Variants in KIF23 observed in about 807,000 individuals in gnomAD.
The protein encoded by KIF23 is kinesin family member 23, also known as kinesin-like protein KIF23.
Under a neutral mutation model 137.5 loss-of-function variants are expected in KIF23, and 30 were observed. The observed-to-expected ratio is 0.22, with a 90% CI of 0.16 to 0.30. The LOEUF is 0.30. Among genes scored for constraint, KIF23 ranks in the 10% least tolerant of loss-of-function variants. The pLI, the probability that KIF23 is intolerant of heterozygous loss-of-function variation, is 1.00. For missense variants in KIF23, 920 were observed against 1,194.3 expected, an observed-to-expected ratio of 0.77 and a Z score of 3.38; for synonymous variants, 367 against 391.1, an observed-to-expected ratio of 0.94 and a Z score of 0.73.
chr15:69,415,621 C>A (rs1173914413), intron 1 of KIF23, among the ~76,000 whole-genome samples: 1 of 152,096 alleles, frequency 6.6e-6, no homozygotes, highest in Admixed American at 6.6e-5. Flanking sequence ...CCTCCATGTG[C>A]ATTTTTATAG....
At position 69,435,571 on chromosome 15, in the gene KIF23, C is replaced by T. The variant is rs1041204272; in HGVS notation, c.1194+9C>T. ...TGTATGGAACTAACAAGGTAAGCAG[C>T]AGCCTTCTCTGTTCTTTTGTATAGT... On this transcript the variant is annotated intron_variant, in intron 12 of 23. Coordinates refer to ENST00000679126, the MANE Select transcript of KIF23 (RefSeq NM_001367805.3). The T allele has an allele frequency of 6.2e-7, 1 of 1,613,682 alleles. No homozygotes were observed. The highest frequency in any genetic ancestry group is 8.5e-7 in the Non-Finnish European group (1 of 1,179,866).
chr15:69,436,987 T>G (rs2057499454), intron 15 of KIF23, among the ~76,000 whole-genome samples: 1 of 152,122 alleles, frequency 6.6e-6, no homozygotes, highest in Non-Finnish European at 1.5e-5. Flanking sequence ...ACTCCTGACC[T>G]CAAGTGATCC....
At chr15:69,427,473 G>A in intron 10 of KIF23, 1 of 453,904 alleles carries the variant, frequency 2.2e-6, no homozygotes, top group Non-Finnish European at 4.4e-6. Flanking sequence ...ATAAGACTGT[G>A]ATTTTTTCTC....
Position 69,435,569 on chromosome 15 carries a change from A to G in KIF23, c.1194+7A>G, listed in dbSNP as rs773952277. On this transcript the variant is annotated splice_region_variant and intron_variant, in intron 12 of 23. Coordinates refer to ENST00000679126, the MANE Select transcript of KIF23 (RefSeq NM_001367805.3). ...AATGTATGGAACTAACAAGGTAAGC[A>G]GCAGCCTTCTCTGTTCTTTTGTATA... is the stretch of plus-strand genomic sequence containing the variant. The G allele has an allele frequency of 8.7e-6, 14 of 1,613,912 alleles. No individual in the cohort carries two copies. The highest frequency in any genetic ancestry group is 1.3e-5 in the African/African-American group (1 of 74,938).
At chr15:69,424,100 C>T (rs927221373) in intron 7 of KIF23, among the ~76,000 whole-genome samples, 1 of 152,116 alleles carries the variant, frequency 6.6e-6, no homozygotes, top group African/African-American at 2.4e-5. Flanking sequence ...GGAGAAACAG[C>T]TGGATTTAGA....
intron 2 of KIF23, among the ~76,000 whole-genome samples, chr15:69,416,871 C>T (rs1473186302): frequency 6.6e-6 from 1 of 152,172 alleles, no homozygotes; most frequent in Non-Finnish European, 1.5e-5. Flanking sequence ...AGGAGAATTG[C>T]TTGAACCCAG....
chr15:69,438,543 A>G, intron 16 of KIF23, 138 bp downstream of exon 16: 1 of 679,570 alleles, frequency 1.5e-6, no homozygotes, highest in Non-Finnish European at 2.2e-6. Flanking sequence ...CATGCAGGTA[A>G]TTCCAACACT....
Position 69,422,128 on chromosome 15 carries a change from T to C in KIF23, c.453T>C (p.Tyr151=), listed in dbSNP as rs1247750852. The change falls in exon 5 of 24, where the codon TAT becomes TAC. Residue 151 remains tyrosine, a splice_region_variant and synonymous_variant. Transcript: ENST00000679126. ...TAGGGTCATTTCAAGCTAAACGATA[T>C]GTAAGTATGATTCTTTTGTGTTGTG... is the stretch of plus-strand genomic sequence containing the variant. The part of the protein sequence containing the change: ...NSIGSFQAKR[Y]VFKSNDRNSM... 2.5e-6 allele frequency: 4 copies of C among 1,613,668 alleles called. No individual in the cohort carries two copies. The highest frequency in any genetic ancestry group is 3.4e-6 in the Non-Finnish European group (4 of 1,179,856).
chr15:69,442,964 TATC>T (rs1211084476), intron 19 of KIF23, among the ~76,000 whole-genome samples: 1 of 152,250 alleles, frequency 6.6e-6, no homozygotes, highest in African/African-American at 2.4e-5. Context: ...TTGTATGGAT[TATC>T]ATCTTTCTGA....
rs2057107057 is a variant in KIF23 at position 69,423,234 on chromosome 15, T to C, written c.639T>C (p.Asp213=). 1 of 1,594,916 alleles carries C rather than the reference T, an allele frequency of 6.3e-7. No homozygotes were observed. Among genetic ancestry groups the C allele is most frequent in the Non-Finnish European group, 8.6e-7 (1 of 1,165,246 alleles). ...GCAAAGCAGAAGAGGTTGATGAAGATAGTGTCTATGGTGTATTTGTCTCTT... is the reference window on the plus strand; with the variant it reads ...GCAAAGCAGAAGAGGTTGATGAAGACAGTGTCTATGGTGTATTTGTCTCTT... The part of the protein sequence containing the change: ...EFCKAEEVDE[D]SVYGVFVSYI... Residue 213 remains aspartate, a synonymous_variant, in exon 7 of 24, where the codon GAT becomes GAC. Transcript: ENST00000679126.
At chr15:69,427,339 C>G (rs2057225056) in intron 10 of KIF23, 2 of 454,682 alleles carry the variant, frequency 4.4e-6, no homozygotes, top group Non-Finnish European at 8.8e-6. Context: ...TAGGCGATGA[C>G]ATTAAAACTT....
Position 69,446,360 on chromosome 15 carries a change from C to A in KIF23, c.2834C>A (p.Thr945Lys). ...GAGTCTGAATGGACCGATGTAGAAA[C>A]AAGGGTAGGGGAAAAATTAAATATT... ...GAESEWTDVE[T>K]RCSVAVEMRA... is the part of the protein sequence containing the mutation. Residue 945 changes from threonine to lysine, a missense_variant, in exon 22 of 24, where the codon ACA becomes AAA. Physicochemically the swap from Thr to Lys is moderately conservative, Grantham distance 78. Coordinates refer to ENST00000679126, the MANE Select transcript of KIF23 (RefSeq NM_001367805.3). 6.2e-7 allele frequency: 1 copy of A among 1,613,082 alleles called. No individual in the cohort carries two copies. Among genetic ancestry groups the A allele is most frequent in the Non-Finnish European group, 8.5e-7 (1 of 1,179,106 alleles).
Position 69,426,463 on chromosome 15 carries a change from G to C in KIF23, c.1011+6G>C, listed in dbSNP as rs2057194869. 2 of 1,613,132 alleles carry C rather than the reference G, an allele frequency of 1.2e-6. No individual in the cohort carries two copies. Among genetic ancestry groups the C allele is most frequent in the Admixed American group, 3.3e-5 (2 of 59,748 alleles). ...ATGGAGACAATGTCTTACAGGTAAA[G>C]TTGTAGTATGTGGAGTTTTTCTGGT... On this transcript the variant is annotated splice_donor_region_variant and intron_variant, in intron 10 of 23. Transcript: ENST00000679126.
intron 10 of KIF23, 179 bp downstream of exon 10, chr15:69,426,636 G>A (rs911897496): frequency 2.3e-5 from 14 of 617,954 alleles, no homozygotes; most frequent in African/African-American, 2.0e-4. Context: ...CAGGAGGATC[G>A]CTTGAACCTG....
intron 10 of KIF23, among the ~76,000 whole-genome samples, chr15:69,428,029 C>CG (rs960701114): frequency 6.6e-6 from 1 of 152,026 alleles, no homozygotes; most frequent in African/African-American, 2.4e-5. Flanking sequence ...GAGGCCAAGA[C>CG]GGGTGGATCA....
At position 69,429,292 on chromosome 15, in the gene KIF23, G is replaced by C. The variant is rs529594103; in HGVS notation, c.1114+79G>C. On this transcript the variant is annotated intron_variant, in intron 11 of 23. Coordinates refer to ENST00000679126, the MANE Select transcript of KIF23 (RefSeq NM_001367805.3). ...CCAGTTTATTATCTACTTATCAATGGGTGGTTCTTTGTTTTTTAATTTTTA... is the reference window on the plus strand; with the variant it reads ...CCAGTTTATTATCTACTTATCAATGCGTGGTTCTTTGTTTTTTAATTTTTA... 123 of 935,808 alleles carry C rather than the reference G, an allele frequency of 1.3e-4. No individual in the cohort carries two copies. The East Asian group carries it at 3.1e-3, about 23-fold the overall frequency. The allele number at this position is 935,808 out of a possible 1,614,324, so 58.0% of individuals were successfully genotyped here. A position where few individuals can be genotyped will look rare whatever the true frequency, so the allele number is the denominator to read the frequency against.
At chr15:69,426,522 A>G in intron 10 of KIF23, 65 bp downstream of exon 10, 1 of 1,560,674 alleles carries the variant, frequency 6.4e-7, no homozygotes, top group South Asian at 1.2e-5. Context: ...GAATTAGAGT[A>G]ATCCAGCCAA....
chr15:69,440,961 GAC>G lies in KIF23; in HGVS notation c.2305_2306del (p.Gln769LysfsTer17). 1 of 1,614,198 alleles carries G rather than the reference GAC, an allele frequency of 6.2e-7. No homozygotes were observed. The highest frequency in any genetic ancestry group is 1.7e-5 in the Admixed American group (1 of 60,022). On this transcript the variant is annotated frameshift_variant, in exon 19 of 24. Coordinates refer to ENST00000679126, the MANE Select transcript of KIF23 (RefSeq NM_001367805.3). LOFTEE classifies it high-confidence loss of function. ...GCAAGGCGTAGGCAGCAGGAGCCAG[GAC>G]AAAGCAAAACTTGTATCGTGTCAGA...
chr15:69,438,956 G>A (rs1410394533), intron 16 of KIF23, among the ~76,000 whole-genome samples: 1 of 152,060 alleles, frequency 6.6e-6, no homozygotes, highest in Non-Finnish European at 1.5e-5. Flanking sequence ...AAATTAGCCA[G>A]GCATGGTGGT....
Sources: allele counts gnomAD v4.1 joint callset (sites outside exome capture counted in the v4.1 genomes callset), GRCh38; gene constraint gnomAD v4.1.1; transcripts MANE v1.5; gene names NCBI Gene and HGNC (gene_info 2026-07-23, HGNC 2026-07-21).